Variants in TNPO1 observed in about 807,000 individuals in gnomAD.
The protein encoded by TNPO1 is transportin-1.
TNPO1 carries 8 observed loss-of-function variants against 119.5 expected under a neutral mutation model. That is an observed-to-expected ratio of 0.07 (90% CI 0.04 to 0.12). The LOEUF (loss-of-function observed/expected upper bound fraction) is 0.12, where lower values mean the gene tolerates loss of function less well. TNPO1 is among the 10% of genes least tolerant of loss of function. TNPO1 has a pLI of 1.00. For synonymous variants in TNPO1, 362 were observed against 363.0 expected, an observed-to-expected ratio of 1.00 and a Z score of 0.03; for missense variants, 576 against 1,089.8, an observed-to-expected ratio of 0.53 and a Z score of 6.64.
Position 72,861,965 on chromosome 5 carries a change from ATGT to A in TNPO1, c.462+55_462+57del. ...TTGGGTGTTTTCTGTTTTTCTTGTC[ATGT>A]TGTGTATTAGCAGCTTTTGGGAAAA... is the stretch of plus-strand genomic sequence containing the variant. On this transcript the variant is annotated intron_variant, in intron 5 of 24. Transcript: ENST00000337273. 1.4e-6 allele frequency: 2 copies of A among 1,411,174 alleles called. 1 individual carries two copies. The highest frequency in any genetic ancestry group is 3.5e-4 in the Middle Eastern group (2 of 5,658). The allele number at this position is 1,411,174 out of a possible 1,614,324, so 87.4% of individuals were successfully genotyped here. A position where few individuals can be genotyped will look rare whatever the true frequency, so the allele number is the denominator to read the frequency against.
intron 11 of TNPO1, among the ~76,000 whole-genome samples, chr5:72,885,286 G>T (rs1003814916): frequency 6.6e-6 from 1 of 152,200 alleles, no homozygotes; most frequent in Admixed American, 6.5e-5. Context: ...AGTCTCACTT[G>T]TTAAGACAAC....
chr5:72,838,898 C>A (rs1057398569), intron 1 of TNPO1, among the ~76,000 whole-genome samples: 4 of 152,098 alleles, frequency 2.6e-5, no homozygotes, highest in African/African-American at 9.7e-5. Context: ...CCTTAACTCA[C>A]AGGGTAGTTT....
At chr5:72,867,773 T>A (rs1747033541) in intron 6 of TNPO1, among the ~76,000 whole-genome samples, 1 of 152,228 alleles carries the variant, frequency 6.6e-6, no homozygotes, top group Admixed American at 6.5e-5. Flanking sequence ...CAGTACTGAA[T>A]GTAGACATAG....
intron 17 of TNPO1, 35 bp downstream of exon 17, chr5:72,893,570 GT>G: frequency 4.3e-6 from 7 of 1,614,182 alleles, no homozygotes; most frequent in Non-Finnish European, 5.9e-6. Flanking sequence ...ATTGAAGCCT[GT>G]TTCTCTGTGT....
At chr5:72,824,255 T>C (rs935819678) in intron 1 of TNPO1, among the ~76,000 whole-genome samples, 11 of 152,240 alleles carry the variant, frequency 7.2e-5, no homozygotes, top group Non-Finnish European at 4.4e-5. Context: ...CAAACAGATA[T>C]GCTATTATTT....
chr5:72,819,328 A>G (rs1448683139), intron 1 of TNPO1, among the ~76,000 whole-genome samples: 1 of 152,196 alleles, frequency 6.6e-6, no homozygotes, highest in Non-Finnish European at 1.5e-5. Flanking sequence ...GACACACCAT[A>G]TTCAAACCAC....
chr5:72,851,465 C>A, intron 3 of TNPO1, 146 bp downstream of exon 3: 1 of 562,678 alleles, frequency 1.8e-6, no homozygotes, highest in Non-Finnish European at 3.2e-6. Context: ...TAATACCACT[C>A]AGTATTTACA....
intron 19 of TNPO1, 135 bp from the exon 20 acceptor site, chr5:72,896,921 C>A: frequency 1.6e-5 from 7 of 446,374 alleles, no homozygotes; most frequent in South Asian, 1.4e-4. Flanking sequence ...TTTGTAATTG[C>A]TTTAATTTTA....
intron 1 of TNPO1, among the ~76,000 whole-genome samples, chr5:72,833,963 G>A (rs1744583801): frequency 6.6e-6 from 1 of 151,992 alleles, no homozygotes; most frequent in Admixed American, 6.6e-5. Context: ...GAATTTTCTT[G>A]TCCTATCCCT....
chr5:72,889,438 T>G (rs1367306048), intron 13 of TNPO1, among the ~76,000 whole-genome samples: 1 of 151,542 alleles, frequency 6.6e-6, no homozygotes, highest in Non-Finnish European at 1.5e-5. Flanking sequence ...GGATATAGAT[T>G]ATGTTTGAGA....
At chr5:72,862,992 T>TTTTGTGTGTG (rs1554051196) in intron 5 of TNPO1, among the ~76,000 whole-genome samples, 1 of 144,772 alleles carries the variant, frequency 6.9e-6, no homozygotes, top group African/African-American at 2.6e-5. Context: ...CTGTGGGTTT[T>TTTTGTGTGTG]TGTGTGTGTG....
At chr5:72,817,192 G>A (rs936900174) in intron 1 of TNPO1, among the ~76,000 whole-genome samples, 3 of 152,220 alleles carry the variant, frequency 2.0e-5, no homozygotes, top group African/African-American at 7.2e-5. Flanking sequence ...TCTTTGTCCC[G>A]CCCTGGGCCC....
chr5:72,836,961 T>TAC (rs1411036096), intron 1 of TNPO1, among the ~76,000 whole-genome samples: 1 of 152,232 alleles, frequency 6.6e-6, no homozygotes, highest in Non-Finnish European at 1.5e-5. Flanking sequence ...TTACTGTCTG[T>TAC]ATTTCTACCA....
intron 22 of TNPO1, among the ~76,000 whole-genome samples, chr5:72,902,234 G>A (rs751254484): frequency 2.6e-5 from 4 of 152,072 alleles, no homozygotes; most frequent in African/African-American, 7.2e-5. Flanking sequence ...TTTCCACTCC[G>A]AGAGGGGTGT....
At chr5:72,875,099 A>G (rs1747665222) in intron 7 of TNPO1, among the ~76,000 whole-genome samples, 1 of 152,262 alleles carries the variant, frequency 6.6e-6, no homozygotes, top group Non-Finnish European at 1.5e-5. Flanking sequence ...TCTGTTGTCC[A>G]TTCAGACATT....
intron 1 of TNPO1, among the ~76,000 whole-genome samples, chr5:72,833,445 A>T (rs1309093107): frequency 6.6e-6 from 1 of 152,032 alleles, no homozygotes; most frequent in Non-Finnish European, 1.5e-5. Context: ...AAATAAGAGG[A>T]TTGGATAGAT....
At chr5:72,853,709 T>C (rs761956298) in intron 3 of TNPO1, among the ~76,000 whole-genome samples, 1 of 152,106 alleles carries the variant, frequency 6.6e-6, no homozygotes, top group Admixed American at 6.5e-5. Flanking sequence ...TGCATGTAGT[T>C]TTCCATTTTA....
intron 1 of TNPO1, among the ~76,000 whole-genome samples, chr5:72,836,813 T>A (rs1265257888): frequency 6.6e-6 from 1 of 152,196 alleles, no homozygotes; most frequent in Non-Finnish European, 1.5e-5. Flanking sequence ...CACTCTTAAG[T>A]CCTGCCTTCC....
At chr5:72,875,545 A>G (rs1747696926) in intron 7 of TNPO1, 70 bp from the exon 8 acceptor site, 4 of 1,530,866 alleles carry the variant, frequency 2.6e-6, no homozygotes, top group Non-Finnish European at 3.6e-6. Flanking sequence ...AATGTCACCA[A>G]CTTGCAGATT....
Sources: allele counts gnomAD v4.1 joint callset (sites outside exome capture counted in the v4.1 genomes callset), GRCh38; gene constraint gnomAD v4.1.1; transcripts MANE v1.5; gene names NCBI Gene and HGNC (gene_info 2026-07-23, HGNC 2026-07-21).